The following SERPINA10 variants were observed in gnomAD, a reference collection of about 807,000 sequenced individuals.
SERPINA10 encodes the protein protein Z-dependent protease inhibitor.
A neutral mutation model predicts 28.0 loss-of-function variants in SERPINA10; 24 were observed. The ratio of observed to expected loss-of-function variants is 0.86; its 90% confidence interval spans 0.62 to 1.20. The LOEUF is 1.20. Among genes scored for constraint, SERPINA10 ranks in the 50% most tolerant of loss-of-function variants. SERPINA10 has a pLI of 0.00. For synonymous variants in SERPINA10, 207 were observed against 203.9 expected (o/e 1.02, Z -0.13); for missense variants, 521 against 537.7 (o/e 0.97, Z 0.31).
At chr14:94,285,467 A>G (rs535252578) in intron 4 of SERPINA10, among the ~76,000 whole-genome samples, 2 of 151,908 alleles carry the variant, frequency 1.3e-5, no homozygotes, top group African/African-American at 4.8e-5. Flanking sequence ...CTCCATATAT[A>G]TATGTATGTC....
chr14:94,289,832 G>T, intron 2 of SERPINA10, 44 bp downstream of exon 2: 2 of 1,601,732 alleles, frequency 1.2e-6, no homozygotes, highest in Admixed American at 1.7e-5. Flanking sequence ...AGAGACAATC[G>T]TAGGGCCCTG....
At position 94,289,829 on chromosome 14, in the gene SERPINA10, A is replaced by G. The variant is rs185009386; in HGVS notation, c.718+47T>C. On this transcript the variant is annotated intron_variant, in intron 2 of 4. Transcript: ENST00000261994. The stretch of plus-strand genomic sequence containing the variant: ...CCTAACGAAAGGAAAGGGAGAGACA[A>G]TCGTAGGGCCCTGTGGCCTTGGGAG... 3.3e-4 allele frequency: 522 copies of G among 1,599,878 alleles called. 4 individuals carry two copies. In the African/African-American group the frequency reaches 5.9e-3, roughly 18 times the overall value.
At chr14:94,285,360 A>G (rs1017160497) in intron 4 of SERPINA10, among the ~76,000 whole-genome samples, 1 of 152,174 alleles carries the variant, frequency 6.6e-6, no homozygotes, top group African/African-American at 2.4e-5. Flanking sequence ...AAGGGATTCT[A>G]TGTGGATGGT....
Position 94,284,155 on chromosome 14 carries a change from A to C in SERPINA10, c.1145T>G (p.Val382Gly). The change falls in exon 5 of 5, where the codon GTT (valine) becomes GGT (glycine). Residue 382 changes from valine (V) to glycine (G), a missense_variant and splice_region_variant. Val to Gly is a moderately radical substitution (Grantham distance 109, BLOSUM62 -3). Transcript: ENST00000261994. ...AACTTCAATCACTGTTCTTTGTAAA[A>C]CCTGGAAAAAGGAAATAATGTGAAA... ...ATGRNLQVSR[V>G]LQRTVIEVDE... 1 of 1,613,768 alleles carries C rather than the reference A, an allele frequency of 6.2e-7. No individual in the cohort carries two copies. The highest frequency in any genetic ancestry group is 8.5e-7 in the Non-Finnish European group (1 of 1,179,698).
At chr14:94,284,244 C>T (rs1894968832) in intron 4 of SERPINA10, 88 bp from the exon 5 acceptor site, 2 of 1,180,850 alleles carry the variant, frequency 1.7e-6, no homozygotes, top group Non-Finnish European at 2.5e-6. Flanking sequence ...TCACAGTGGT[C>T]CTACCCATGG....
rs1477351284 is a variant in SERPINA10 at position 94,284,139 on chromosome 14, C to T, written c.1161G>A (p.Val387=). The part of the protein sequence containing the change: ...LQVSRVLQRT[V]IEVDERGTEA... The stretch of plus-strand genomic sequence containing the variant: ...CAGTGCCCCTTTCATCAACTTCAAT[C>T]ACTGTTCTTTGTAAAACCTGGAAAA... Residue 387 remains valine (V), a synonymous_variant, in exon 5 of 5, where the codon GTG becomes GTA. Coordinates refer to ENST00000261994, the MANE Select transcript of SERPINA10 (RefSeq NM_001100607.3). 1.2e-6 allele frequency: 2 copies of T among 1,614,012 alleles called. No homozygotes were observed. The highest frequency in any genetic ancestry group is 2.2e-5 in the East Asian group (1 of 44,894).
At chr14:94,289,006 G>A (rs1341141309) in intron 2 of SERPINA10, among the ~76,000 whole-genome samples, 1 of 152,226 alleles carries the variant, frequency 6.6e-6, no homozygotes, top group Non-Finnish European at 1.5e-5. Flanking sequence ...GGTGGCAGGA[G>A]TGACACTTCT....
chr14:94,281,109 T>A lies in SERPINA10; in HGVS notation c.*2856A>T, dbSNP rs1179937575. 4 of 152,150 alleles carry A rather than the reference T, an allele frequency of 2.6e-5. No individual in the cohort carries two copies. Among genetic ancestry groups the A allele is most frequent in the African/African-American group, 9.7e-5 (4 of 41,448 alleles). The allele number at this position is 152,150 out of a possible 1,614,324, so 9.4% of individuals were successfully genotyped here. Reference sequence around the variant, plus strand: ...TACAGCATATATATGTGAGAACGTGTGGTTGAGTGTGTCTGTGTAGGAACA... The same window carrying A: ...TACAGCATATATATGTGAGAACGTGAGGTTGAGTGTGTCTGTGTAGGAACA... On this transcript the variant is annotated 3_prime_UTR_variant, in exon 5 of 5. Transcript: ENST00000261994.
rs202176196 is a variant in SERPINA10, at chr14:94,290,100, A to T, written c.494T>A (p.Phe165Tyr). 23 of 1,614,236 alleles carry T rather than the reference A, an allele frequency of 1.4e-5. No individual in the cohort carries two copies. In the East Asian group the frequency reaches 4.5e-4, roughly 31 times the overall value. Reference protein sequence around the residue: ...NLELGLTQGSFAFIHKDFDVK... With the variant: ...NLELGLTQGSYAFIHKDFDVK... ...ATCAAAATCCTTGTGGATGAAGGCA[A>T]AACTCCCCTGTGTGAGGCCCAGTTC... Residue 165 changes from phenylalanine (F) to tyrosine (Y), a missense_variant, in exon 2 of 5, where the codon TTT becomes TAT. By Grantham distance (22) the Phe-to-Tyr change is conservative. Coordinates refer to ENST00000261994, the MANE Select transcript of SERPINA10 (RefSeq NM_001100607.3).
intron 4 of SERPINA10, among the ~76,000 whole-genome samples, chr14:94,285,427 C>G (rs56215951): frequency 6.2e-4 from 94 of 151,102 alleles, no homozygotes; most frequent in African/African-American, 2.2e-3. Flanking sequence ...AAGTATGAAT[C>G]AGAAGTTACA....
Position 94,288,463 on chromosome 14 carries a change from G to A in SERPINA10, c.815C>T (p.Ala272Val). The A allele has an allele frequency of 1.9e-6, 3 of 1,614,132 alleles. No individual in the cohort carries two copies. Among genetic ancestry groups the A allele is most frequent in the Non-Finnish European group, 2.5e-6 (3 of 1,180,000 alleles). ...KTIKVPMMYG[A>V]GKFASTFDKN... Reference sequence around the variant, plus strand: ...GTCAAAGGTGGAGGCAAACTTGCCTGCACCGTACATCATGGGCACCTTAAT... The same window carrying A: ...GTCAAAGGTGGAGGCAAACTTGCCTACACCGTACATCATGGGCACCTTAAT... Residue 272 changes from alanine (A) to valine (V), a missense_variant, in exon 3 of 5, where the codon GCA becomes GTA. Coordinates refer to ENST00000261994, the MANE Select transcript of SERPINA10 (RefSeq NM_001100607.3).
At chr14:94,292,632 T>G (rs1282368659) in intron 1 of SERPINA10, 1 of 701,880 alleles carries the variant, frequency 1.4e-6, no homozygotes, top group South Asian at 1.5e-5. Context: ...GAGCTTGTCC[T>G]GCAGTCTGCA....
At chr14:94,286,323 G>T in intron 3 of SERPINA10, 65 bp from the exon 4 acceptor site, 1 of 1,580,110 alleles carries the variant, frequency 6.3e-7, no homozygotes, top group Non-Finnish European at 8.7e-7. Flanking sequence ...CACCAAAAAG[G>T]TCACAATTTT....
chr14:94,285,329 C>G (rs1420762444), intron 4 of SERPINA10, among the ~76,000 whole-genome samples: 1 of 152,090 alleles, frequency 6.6e-6, no homozygotes, highest in Non-Finnish European at 1.5e-5. Context: ...AACCCTTCCA[C>G]TGAGAAACAC....
At position 94,283,296 on chromosome 14, in the gene SERPINA10, C is replaced by T. The variant is rs1288453182; in HGVS notation, c.*669G>A. 6.6e-6 allele frequency: 1 copy of T among 152,264 alleles called. No homozygotes were observed. Among genetic ancestry groups the T allele is most frequent in the Admixed American group, 6.5e-5 (1 of 15,276 alleles). The allele number at this position is 152,264 out of a possible 1,614,324, so 9.4% of individuals were successfully genotyped here. On this transcript the variant is annotated 3_prime_UTR_variant, in exon 5 of 5. Coordinates refer to ENST00000261994, the MANE Select transcript of SERPINA10 (RefSeq NM_001100607.3). ...TTAGAAACAAGCTTAAAATACCAGA[C>T]AGATTGCACAAACATCTTAAAAAAT...
In SERPINA10 at chr14:94,280,818, C is replaced by G. The variant is rs1004856875; in HGVS notation, c.*3147G>C. The stretch of plus-strand genomic sequence containing the variant: ...TTTTACTGCAGAAATGGAGATAGGT[C>G]TATAAAGGATTTTACTTAATAGAGG... On this transcript the variant is annotated 3_prime_UTR_variant, in exon 5 of 5. Coordinates refer to ENST00000261994, the MANE Select transcript of SERPINA10 (RefSeq NM_001100607.3). 9.2e-5 allele frequency: 14 copies of G among 152,114 alleles called. No individual in the cohort carries two copies. Among genetic ancestry groups the G allele is most frequent in the African/African-American group, 3.4e-4 (14 of 41,422 alleles). The allele number at this position is 152,114 out of a possible 1,614,324, so 9.4% of individuals were successfully genotyped here.
chr14:94,283,791 T>G lies in SERPINA10; in HGVS notation c.*174A>C, dbSNP rs1894952809. 1.5e-6 allele frequency: 1 copy of G among 658,154 alleles called. No individual in the cohort carries two copies. Among genetic ancestry groups the G allele is most frequent in the African/African-American group, 1.8e-5 (1 of 55,164 alleles). 40.8% of individuals were successfully genotyped at this position (658,154 alleles called of 1,614,324 possible). A position where few individuals can be genotyped will look rare whatever the true frequency, so the allele number is the denominator to read the frequency against. On this transcript the variant is annotated 3_prime_UTR_variant, in exon 5 of 5. Transcript: ENST00000261994. Reference sequence around the variant, plus strand: ...GTTTCAGGCATCTGCTGGGGGTCTTTGAATGTATCCCCCTCAGATAAGTGG... The same window carrying G: ...GTTTCAGGCATCTGCTGGGGGTCTTGGAATGTATCCCCCTCAGATAAGTGG...
intron 2 of SERPINA10, among the ~76,000 whole-genome samples, chr14:94,289,115 G>A (rs1191006738): frequency 1.3e-5 from 2 of 152,222 alleles, no homozygotes; most frequent in Admixed American, 6.5e-5. Flanking sequence ...GTCTGCCCTG[G>A]GGGTGTGGCC....
In SERPINA10 at chr14:94,284,859, T is replaced by C. The variant is rs186385738; in HGVS notation, c.1144-703A>G. Among the ~76,000 whole-genome samples, 10 of 152,340 alleles carry C rather than the reference T, an allele frequency of 6.6e-5. No individual in the cohort carries two copies. The East Asian group carries it at 1.7e-3, about 26-fold the overall frequency. On this transcript the variant is annotated intron_variant, in intron 4 of 4. Coordinates refer to ENST00000261994, the MANE Select transcript of SERPINA10 (RefSeq NM_001100607.3). Reference sequence around the variant, plus strand: ...CCTGATTTCCTAGAGGAAAATTAATTCCCCAGAGCAAACAGAGGGAGAATA... The same window carrying C: ...CCTGATTTCCTAGAGGAAAATTAATCCCCCAGAGCAAACAGAGGGAGAATA...
Sources: gnomAD v4.1 joint callset for allele counts (sites outside exome capture counted in the v4.1 genomes callset) on GRCh38, gnomAD v4.1.1 for gene constraint, MANE v1.5 for transcripts, NCBI Gene and HGNC (gene_info 2026-07-23, HGNC 2026-07-21) for gene names.